The following ZNF804B variants were observed in gnomAD, a reference collection of about 807,000 sequenced individuals.
ZNF804B encodes the protein zinc finger protein 804B.
ZNF804B carries 80 observed loss-of-function variants against 101.4 expected under a neutral mutation model. The observed-to-expected ratio is 0.79, with a 90% CI of 0.66 to 0.95. The LOEUF (loss-of-function observed/expected upper bound fraction) is 0.95. ZNF804B is among the 40% of genes least tolerant of loss of function. ZNF804B has a pLI of 0.00. For synonymous variants in ZNF804B, 622 were observed against 558.8 expected (o/e 1.11, Z -1.59); for missense variants, 1,673 against 1,561.9 (o/e 1.07, Z -1.20).
At chr7:88,872,232 C>T (rs1327005407) in intron 1 of ZNF804B, among the ~76,000 whole-genome samples, 2 of 152,064 alleles carry the variant, frequency 1.3e-5, no homozygotes, top group Non-Finnish European at 2.9e-5. Context: ...TTCAGTATTA[C>T]ACAGATAAAT....
chr7:88,924,330 C>T, intron 1 of ZNF804B, among the ~76,000 whole-genome samples: 1 of 151,886 alleles, frequency 6.6e-6, no homozygotes, highest in East Asian at 1.9e-4. Context: ...TGCATGATAC[C>T]TTGAGCATGT....
intron 1 of ZNF804B, among the ~76,000 whole-genome samples, chr7:88,873,935 A>G (rs1791881840): frequency 6.6e-6 from 1 of 152,098 alleles, no homozygotes; most frequent in African/African-American, 2.4e-5. Flanking sequence ...TTGGCTTAGG[A>G]TTGACTTGGC....
At chr7:89,235,105 C>A (rs1789260410) in intron 2 of ZNF804B, among the ~76,000 whole-genome samples, 4 of 152,016 alleles carry the variant, frequency 2.6e-5, no homozygotes, top group Admixed American at 2.0e-4. Context: ...ATGTAATTGT[C>A]TCCTTATCTT....
At chr7:89,238,063 A>G (rs561352280) in intron 2 of ZNF804B, among the ~76,000 whole-genome samples, 2 of 152,296 alleles carry the variant, frequency 1.3e-5, no homozygotes, top group African/African-American at 4.8e-5. Flanking sequence ...AAATGCACGA[A>G]TGAATGCAGG....
chr7:88,793,415 T>G (rs1790415377), intron 1 of ZNF804B, among the ~76,000 whole-genome samples: 1 of 152,090 alleles, frequency 6.6e-6, no homozygotes, highest in Non-Finnish European at 1.5e-5. Flanking sequence ...GCCTGGCAAA[T>G]GTTTGTAACA....
At chr7:89,313,691 A>G (rs190789999) in intron 2 of ZNF804B, among the ~76,000 whole-genome samples, 2 of 152,358 alleles carry the variant, frequency 1.3e-5, no homozygotes, top group Admixed American at 1.3e-4. Flanking sequence ...AGAAAATTAA[A>G]TTCCAGATAC....
chr7:89,100,507 A>G (rs1167110834), intron 1 of ZNF804B, among the ~76,000 whole-genome samples: 1 of 152,142 alleles, frequency 6.6e-6, no homozygotes, highest in African/African-American at 2.4e-5. Context: ...AAAGGAAACA[A>G]TCAACAAAGT....
intron 1 of ZNF804B, among the ~76,000 whole-genome samples, chr7:89,033,260 G>A (rs1788868134): frequency 1.3e-5 from 2 of 152,064 alleles, no homozygotes; most frequent in Admixed American, 6.6e-5. Context: ...TTAGCATAAT[G>A]TTCTCCAATT....
intron 1 of ZNF804B, among the ~76,000 whole-genome samples, chr7:88,818,915 C>G (rs934548975): frequency 6.6e-6 from 1 of 152,154 alleles, no homozygotes; most frequent in Non-Finnish European, 1.5e-5. Context: ...TGTTGTACTA[C>G]TATGTCCTTT....
intron 1 of ZNF804B, among the ~76,000 whole-genome samples, chr7:88,846,320 A>G (rs1791372810): frequency 6.6e-6 from 1 of 152,202 alleles, no homozygotes; most frequent in African/African-American, 2.4e-5. Context: ...ACTATGTGCC[A>G]AAAAAGAATA....
At chr7:89,283,763 A>G (rs186982638) in intron 2 of ZNF804B, among the ~76,000 whole-genome samples, 4 of 152,080 alleles carry the variant, frequency 2.6e-5, no homozygotes, top group Non-Finnish European at 4.4e-5. Flanking sequence ...AAATTATCCT[A>G]TATATACATA....
At chr7:89,180,580 C>T (rs1013889708) in intron 1 of ZNF804B, among the ~76,000 whole-genome samples, 8 of 151,934 alleles carry the variant, frequency 5.3e-5, no homozygotes, top group African/African-American at 1.9e-4. Flanking sequence ...GCTAAGCCTA[C>T]AATGGGGGTT....
chr7:88,788,503 C>T (rs1790335499), intron 1 of ZNF804B, among the ~76,000 whole-genome samples: 1 of 152,138 alleles, frequency 6.6e-6, no homozygotes. Context: ...AAACCAGACC[C>T]ATTAGTTACT....
rs1015384596 is a variant in ZNF804B, at chr7:89,282,994, A to G, written c.250-44350A>G. ...GCTACCAAGTTTGTAGTGATATGTT[A>G]TATCAGCCATAGGAAATTAATACAA... On this transcript the variant is annotated intron_variant, in intron 2 of 3. Coordinates refer to ENST00000333190, the MANE Select transcript of ZNF804B (RefSeq NM_181646.5). Among the ~76,000 whole-genome samples the G allele has an allele frequency of 2.0e-5, 3 of 152,354 alleles. No individual in the cohort carries two copies. The East Asian group carries it at 5.8e-4, about 29-fold the overall frequency.
chr7:88,763,198 A>G (rs187884075), intron 1 of ZNF804B, among the ~76,000 whole-genome samples: 1 of 152,282 alleles, frequency 6.6e-6, no homozygotes, highest in East Asian at 1.9e-4. Flanking sequence ...AAATCCAAAC[A>G]TGCAATTTTA....
At chr7:88,788,720 A>G (rs1007626139) in intron 1 of ZNF804B, among the ~76,000 whole-genome samples, 1 of 152,174 alleles carries the variant, frequency 6.6e-6, no homozygotes, top group African/African-American at 2.4e-5. Flanking sequence ...ATTAATGAAG[A>G]TACAAACATG....
At chr7:89,098,272 ATTTTT>A (rs10717565) in intron 1 of ZNF804B, among the ~76,000 whole-genome samples, 19 of 141,480 alleles carry the variant, frequency 1.3e-4, no homozygotes, top group African/African-American at 4.2e-4. Context: ...CATCATCATA[ATTTTT>A]TTTTTTTTTT....
At chr7:89,019,472 T>C (rs1263702253) in intron 1 of ZNF804B, among the ~76,000 whole-genome samples, 1 of 152,088 alleles carries the variant, frequency 6.6e-6, no homozygotes, top group Admixed American at 6.6e-5. Context: ...TTGAAATGTT[T>C]TGTAAATATC....
intron 1 of ZNF804B, among the ~76,000 whole-genome samples, chr7:89,145,774 A>G (rs773356757): frequency 4.6e-5 from 7 of 152,032 alleles, no homozygotes; most frequent in Non-Finnish European, 1.0e-4. Flanking sequence ...GAGACATTTC[A>G]TTATAATTGA....
Sources: allele counts gnomAD v4.1 joint callset (sites outside exome capture counted in the v4.1 genomes callset), GRCh38; gene constraint gnomAD v4.1.1; transcripts MANE v1.5; gene names NCBI Gene and HGNC (gene_info 2026-07-23, HGNC 2026-07-21).